Variants in CDH4 observed in about 807,000 individuals in gnomAD.
CDH4 encodes cadherin-4.
Under a neutral mutation model 86.0 loss-of-function variants are expected in CDH4, and 33 were observed. The observed-to-expected ratio is 0.38, with a 90% CI of 0.29 to 0.51. The LOEUF is 0.51. Ranked by LOEUF, CDH4 falls within the 20% of genes least tolerant of loss-of-function variation. The pLI is 0.86. For missense variants in CDH4, 1,114 were observed against 1,307.4 expected (o/e 0.85, Z 2.28); for synonymous variants, 555 against 549.4 (o/e 1.01, Z -0.14).
chr20:61,590,548 C>T (rs551074948), intron 2 of CDH4, among the ~76,000 whole-genome samples: 31 of 152,274 alleles, frequency 2.0e-4, no homozygotes, highest in African/African-American at 6.5e-4. Flanking sequence ...TGCTGCAGTC[C>T]GGAACAGTGG....
chr20:61,428,738 T>C (rs1258923032), intron 2 of CDH4, among the ~76,000 whole-genome samples: 1 of 152,178 alleles, frequency 6.6e-6, no homozygotes, highest in African/African-American at 2.4e-5. Context: ...GTTTGTCACT[T>C]TGAAAATCCA....
intron 2 of CDH4, among the ~76,000 whole-genome samples, chr20:61,525,765 A>G (rs941891878): frequency 4.6e-5 from 7 of 151,984 alleles, no homozygotes; most frequent in African/African-American, 1.7e-4. Context: ...CATGTCACAG[A>G]CCCCTGCGGC....
chr20:61,378,181 G>A (rs1298752126), intron 2 of CDH4, among the ~76,000 whole-genome samples: 5 of 152,218 alleles, frequency 3.3e-5, no homozygotes, highest in Non-Finnish European at 7.3e-5. Context: ...TTGAGCCCAC[G>A]AGGTTGAGTC....
At chr20:61,302,643 A>G (rs1161858024) in intron 2 of CDH4, among the ~76,000 whole-genome samples, 1 of 151,974 alleles carries the variant, frequency 6.6e-6, no homozygotes, top group East Asian at 1.9e-4. Context: ...CATGGCCCGG[A>G]GGGATGGCTG....
intron 2 of CDH4, among the ~76,000 whole-genome samples, chr20:61,648,633 C>A (rs964814871): frequency 6.6e-6 from 1 of 152,190 alleles, no homozygotes; most frequent in African/African-American, 2.4e-5. Flanking sequence ...CCATCAGAAC[C>A]ACTGCAGGGG....
intron 2 of CDH4, among the ~76,000 whole-genome samples, chr20:61,643,559 A>G (rs572807248): frequency 8.5e-5 from 13 of 152,342 alleles, no homozygotes; most frequent in African/African-American, 3.1e-4. Context: ...CAAGAGGTGC[A>G]TGTCCCATCT....
intron 2 of CDH4, among the ~76,000 whole-genome samples, chr20:61,669,379 G>A (rs1425281463): frequency 5.3e-5 from 8 of 152,342 alleles, no homozygotes; most frequent in African/African-American, 1.9e-4. Flanking sequence ...ATGGGAGCCT[G>A]GAGGAGGGCC....
intron 2 of CDH4, among the ~76,000 whole-genome samples, chr20:61,305,566 T>C (rs1325236815): frequency 1.3e-5 from 2 of 152,226 alleles, no homozygotes; most frequent in Non-Finnish European, 2.9e-5. Flanking sequence ...AAAATAAAAC[T>C]CCCTTGATTC....
intron 2 of CDH4, among the ~76,000 whole-genome samples, chr20:61,661,349 G>A (rs2087255277): frequency 6.6e-6 from 1 of 152,150 alleles, no homozygotes; most frequent in Non-Finnish European, 1.5e-5. Context: ...CTTGGAGGGT[G>A]GAAGTGAGCA....
chr20:61,492,780 CA>C (rs2085635696), intron 2 of CDH4, among the ~76,000 whole-genome samples: 1 of 152,122 alleles, frequency 6.6e-6, no homozygotes, highest in Non-Finnish European at 1.5e-5. Flanking sequence ...TGTACAGAAT[CA>C]AAATATTAAA....
chr20:61,879,955 C>A lies in CDH4; in HGVS notation c.1050+6055C>A, dbSNP rs960942864. 1.3e-5 allele frequency among the ~76,000 whole-genome samples: 2 copies of A among 152,158 alleles called. No individual in the cohort carries two copies. Among genetic ancestry groups the A allele is most frequent in the Admixed American group, 1.3e-4 (2 of 15,266 alleles). Reference sequence around the variant, plus strand: ...CTTCCCAAACAAGGGGGGCCGAATTCGTGATCTCCTGGTCTGAAAGGATTC... The same window carrying A: ...CTTCCCAAACAAGGGGGGCCGAATTAGTGATCTCCTGGTCTGAAAGGATTC... On this transcript the variant is annotated intron_variant, in intron 7 of 15. Coordinates refer to ENST00000614565, the MANE Select transcript of CDH4 (RefSeq NM_001794.5). This position sits in a 1 kb window ranked among gnomAD's most constrained non-coding sequence, Gnocchi z 4.1.
At chr20:61,549,136 T>A (rs939865953) in intron 2 of CDH4, among the ~76,000 whole-genome samples, 1 of 152,142 alleles carries the variant, frequency 6.6e-6, no homozygotes, top group African/African-American at 2.4e-5. Context: ...GCAATGTCAT[T>A]CCCTGCTTCT....
intron 2 of CDH4, among the ~76,000 whole-genome samples, chr20:61,554,026 G>A (rs1350478538): frequency 2.0e-5 from 3 of 152,164 alleles, no homozygotes; most frequent in Admixed American, 1.3e-4. Flanking sequence ...GAGCACCCAC[G>A]GTTCAGAGCA....
At chr20:61,261,356 C>G (rs755336324) in intron 2 of CDH4, among the ~76,000 whole-genome samples, 3 of 152,198 alleles carry the variant, frequency 2.0e-5, no homozygotes, top group Non-Finnish European at 2.9e-5. Context: ...TGTGAACTCA[C>G]TGACGCTGTG....
At chr20:61,737,333 T>C (rs2088277884) in intron 2 of CDH4, among the ~76,000 whole-genome samples, 1 of 152,070 alleles carries the variant, frequency 6.6e-6, no homozygotes, top group African/African-American at 2.4e-5. Flanking sequence ...CCTCAGAATC[T>C]GTTGACCCCA....
intron 6 of CDH4, among the ~76,000 whole-genome samples, chr20:61,863,784 C>G (rs1302525427): frequency 6.6e-6 from 1 of 152,168 alleles, no homozygotes; most frequent in Non-Finnish European, 1.5e-5. Context: ...GGTGCAGAGC[C>G]ATGAGGCTGG....
intron 2 of CDH4, among the ~76,000 whole-genome samples, chr20:61,640,269 C>T (rs552757107): frequency 6.6e-6 from 1 of 152,342 alleles, no homozygotes; most frequent in African/African-American, 2.4e-5. Flanking sequence ...TCAGAGAGCA[C>T]GCACAGCAGC....
At chr20:61,488,892 T>C (rs1366730800) in intron 2 of CDH4, among the ~76,000 whole-genome samples, 1 of 152,232 alleles carries the variant, frequency 6.6e-6, no homozygotes, top group Non-Finnish European at 1.5e-5. Context: ...GGAAGCTTTT[T>C]ATTATGTTTA....
intron 2 of CDH4, among the ~76,000 whole-genome samples, chr20:61,596,431 A>G (rs1159592234): frequency 6.6e-6 from 1 of 152,134 alleles, no homozygotes; most frequent in Non-Finnish European, 1.5e-5. Flanking sequence ...GTGTCAGGAG[A>G]GGCCCCCTGC....
Sources: gnomAD v4.1 joint callset for allele counts (sites outside exome capture counted in the v4.1 genomes callset) on GRCh38, gnomAD v4.1.1 for gene constraint, Gnocchi (gnomAD v3.1) non-coding constraint, MANE v1.5 for transcripts, NCBI Gene and HGNC (gene_info 2026-07-23, HGNC 2026-07-21) for gene names.